Variants in PPM1E observed in about 807,000 individuals in gnomAD.
PPM1E encodes the protein protein phosphatase 1E.
In PPM1E, 20 loss-of-function variants were observed where a neutral mutation model predicts 65.9. The ratio of observed to expected loss-of-function variants is 0.30; its 90% confidence interval spans 0.21 to 0.44. The LOEUF is 0.44. Among genes scored for constraint, PPM1E ranks in the 20% least tolerant of loss-of-function variants. The pLI is 1.00. For missense variants in PPM1E, 713 were observed against 953.1 expected (o/e 0.75, Z 3.32); for synonymous variants, 352 against 374.9 (o/e 0.94, Z 0.70).
Position 58,981,019 on chromosome 17 carries a change from TA to T in PPM1E, c.2260del (p.Ile754Ter), listed in dbSNP as rs759885170. Reference sequence around the variant, plus strand: ...CATGCCCAGATCTTCCTTGGAGCTATAAAATAGAATAATTTTTCTTTCAAGT... The same window carrying T: ...CATGCCCAGATCTTCCTTGGAGCTATAAATAGAATAATTTTTCTTTCAAGT... ...IPCPDLPWSY[K>X]IE On this transcript the variant is annotated frameshift_variant, in exon 7 of 7. Transcript: ENST00000308249. LOFTEE classifies it high-confidence loss of function. The T allele has an allele frequency of 6.3e-7, 1 of 1,583,924 alleles. No individual in the cohort carries two copies. The highest frequency in any genetic ancestry group is 8.5e-7 in the Non-Finnish European group (1 of 1,169,646).
chr17:58,892,623 C>T (rs189654755), intron 1 of PPM1E, among the ~76,000 whole-genome samples: 86 of 152,068 alleles, frequency 5.7e-4, no homozygotes, highest in Middle Eastern at 3.4e-3. Context: ...TAAATTTCTG[C>T]GCTGCAGAGG....
At chr17:58,783,618 A>C (rs2144217092) in intron 1 of PPM1E, among the ~76,000 whole-genome samples, 1 of 152,338 alleles carries the variant, frequency 6.6e-6, no homozygotes, top group Middle Eastern at 3.4e-3. Context: ...TCTGGGACAT[A>C]AGCCCAAAAG....
chr17:58,832,564 G>T (rs1210049927), intron 1 of PPM1E, among the ~76,000 whole-genome samples: 1 of 152,240 alleles, frequency 6.6e-6, no homozygotes, highest in East Asian at 1.9e-4. Flanking sequence ...ATAATCTGGA[G>T]TGTAGGTTGA....
At chr17:58,843,920 A>G (rs2050746065) in intron 1 of PPM1E, among the ~76,000 whole-genome samples, 1 of 152,226 alleles carries the variant, frequency 6.6e-6, no homozygotes, top group Non-Finnish European at 1.5e-5. Flanking sequence ...GGGATCCCCT[A>G]AGCATACAAT....
chr17:58,924,832 G>A (rs1475109954), intron 1 of PPM1E, among the ~76,000 whole-genome samples: 1 of 150,518 alleles, frequency 6.6e-6, no homozygotes, highest in Non-Finnish European at 1.5e-5. Flanking sequence ...GCAGTATTTG[G>A]TTTTCTGTTA....
At chr17:58,756,588 CGCTGAAAGCGCCCCCGCT>C in intron 1 of PPM1E, 127 bp downstream of exon 1, 1 of 1,114,402 alleles carries the variant, frequency 9.0e-7, no homozygotes. Flanking sequence ...CGCCTGCCGC[CGCTGAAAGCGCCCCCGCT>C]GCTCGGACCC....
rs35359689 is a variant in PPM1E, at chr17:58,781,139, CTT to C, written c.464+24696_464+24697del. On this transcript the variant is annotated intron_variant, in intron 1 of 6. Coordinates refer to ENST00000308249, the MANE Select transcript of PPM1E (RefSeq NM_014906.5). ...AATATTTAAATAAAAGTGCAGATGT[CTT>C]TTTTTTTTTTTTTTTTTGAAACGGA... is the stretch of plus-strand genomic sequence containing the variant. Among the ~76,000 whole-genome samples the C allele has an allele frequency of 2.2e-3, 274 of 123,062 alleles. 1 individual carries two copies. The highest frequency in any genetic ancestry group is 4.1e-3 in the African/African-American group (139 of 33,856). The allele number at this position is 123,062 out of a possible 152,430, so 80.7% of individuals were successfully genotyped here. A position where few individuals can be genotyped will look rare whatever the true frequency, so the allele number is the denominator to read the frequency against.
At chr17:58,960,822 CAAAT>C (rs1367606654) in intron 2 of PPM1E, among the ~76,000 whole-genome samples, 1 of 149,312 alleles carries the variant, frequency 6.7e-6, no homozygotes, top group Non-Finnish European at 1.5e-5. Flanking sequence ...TTAAAAATGG[CAAAT>C]AAATAACCAG....
intron 1 of PPM1E, among the ~76,000 whole-genome samples, chr17:58,822,735 G>T (rs2050493427): frequency 6.6e-6 from 1 of 152,180 alleles, no homozygotes; most frequent in Non-Finnish European, 1.5e-5. Flanking sequence ...TGGAATAGAT[G>T]ATATGCTTTT....
chr17:58,930,832 G>A (rs796497829), intron 1 of PPM1E, among the ~76,000 whole-genome samples: 1 of 152,122 alleles, frequency 6.6e-6, no homozygotes, highest in African/African-American at 2.4e-5. Flanking sequence ...TGTAGAACAT[G>A]GATAAAGTAG....
intron 1 of PPM1E, among the ~76,000 whole-genome samples, chr17:58,805,979 A>AAC (rs2050307319): frequency 1.8e-5 from 2 of 110,046 alleles, no homozygotes; most frequent in African/African-American, 8.7e-5. Flanking sequence ...AAAAACAAAA[A>AAC]AAAAACAAAA....
In PPM1E at chr17:58,980,903, A is replaced by G. The variant is rs1452716941; in HGVS notation, c.2140A>G (p.Asn714Asp). 1.9e-6 allele frequency: 3 copies of G among 1,614,220 alleles called. No individual in the cohort carries two copies. In the South Asian group the frequency reaches 3.3e-5, roughly 18 times the overall value. Reference sequence around the variant, plus strand: ...CTCACTTACTGGAAGTGGGAAGAGAAATAGGATAAGAAGTTCTCTGCCATG... The same window carrying G: ...CTCACTTACTGGAAGTGGGAAGAGAGATAGGATAAGAAGTTCTCTGCCATG... ...LSSLTGSGKR[N>D]RIRSSLPWRQ... is the part of the protein sequence containing the mutation. The change falls in exon 7 of 7, where the codon AAT becomes GAT. Residue 714 changes from asparagine to aspartate, a missense_variant. This residue lies in a region of PPM1E where 286 missense variants were observed against 313.8 expected (regional missense o/e 0.91). Coordinates refer to ENST00000308249, the MANE Select transcript of PPM1E (RefSeq NM_014906.5). This position sits in a 1 kb window ranked among gnomAD's most constrained non-coding sequence, Gnocchi z 4.7.
At chr17:58,888,691 C>T (rs11659035) in intron 1 of PPM1E, among the ~76,000 whole-genome samples, 57,289 of 151,904 alleles carry the variant, frequency 0.38, 11,022 homozygotes, top group Middle Eastern at 0.51. Context: ...ATTTTTCACC[C>T]TCATTTATTT....
In PPM1E at chr17:58,909,924, C is replaced by CTTTTTTTTTTTTTTTTTTTTTTTTTT. The variant is rs35833275; in HGVS notation, c.465-45705_465-45704insTTTTTTTTTTTTTTTTTTTTTTTTTT. 7.6e-4 allele frequency among the ~76,000 whole-genome samples: 68 copies of CTTTTTTTTTTTTTTTTTTTTTTTTTT among 90,034 alleles called. 1 individual carries two copies. The highest frequency in any genetic ancestry group is 1.2e-3 in the African/African-American group (27 of 22,832). The allele number at this position is 90,034 out of a possible 152,430, so 59.1% of individuals were successfully genotyped here. On this transcript the variant is annotated intron_variant, in intron 1 of 6. Transcript: ENST00000308249. Reference sequence around the variant, plus strand: ...CTTTCTTTCTTTCTTTTTTCTTTTTCTTTTTTTTTTTTTTTTTTTTGAGAC... The same window carrying CTTTTTTTTTTTTTTTTTTTTTTTTTT: ...CTTTCTTTCTTTCTTTTTTCTTTTTCTTTTTTTTTTTTTTTTTTTTTTTTTTTTTTTTTTTTTTTTTTTTTTGAGAC...
intron 1 of PPM1E, among the ~76,000 whole-genome samples, chr17:58,944,746 C>T (rs1450470883): frequency 6.6e-6 from 1 of 152,150 alleles, no homozygotes; most frequent in African/African-American, 2.4e-5. Context: ...GTGATGGACA[C>T]TTGGTTGTTT....
chr17:58,880,114 C>A (rs2051178030), intron 1 of PPM1E, among the ~76,000 whole-genome samples: 1 of 152,134 alleles, frequency 6.6e-6, no homozygotes. Flanking sequence ...TGTGGGGAGG[C>A]TTAAAAGATA....
At chr17:58,835,382 T>C (rs539004880) in intron 1 of PPM1E, among the ~76,000 whole-genome samples, 1 of 152,220 alleles carries the variant, frequency 6.6e-6, no homozygotes, top group South Asian at 2.1e-4. Flanking sequence ...GTTTTGTAGT[T>C]TTTGGCACAC....
At chr17:58,953,002 C>G (rs941614222) in intron 1 of PPM1E, among the ~76,000 whole-genome samples, 1 of 152,098 alleles carries the variant, frequency 6.6e-6, no homozygotes, top group African/African-American at 2.4e-5. Context: ...ATGACAGCTC[C>G]TTAACTATTG....
At chr17:58,850,213 G>T (rs2050812440) in intron 1 of PPM1E, among the ~76,000 whole-genome samples, 1 of 152,024 alleles carries the variant, frequency 6.6e-6, no homozygotes, top group South Asian at 2.1e-4. Flanking sequence ...ACACTGATGG[G>T]TCTTGACTCT....
Sources: allele counts gnomAD v4.1 joint callset (sites outside exome capture counted in the v4.1 genomes callset), GRCh38; gene constraint gnomAD v4.1.1; regional missense constraint gnomAD v4.1.1; non-coding constraint Gnocchi (gnomAD v3.1); transcripts MANE v1.5; gene names NCBI Gene and HGNC (gene_info 2026-07-23, HGNC 2026-07-21).